Variants in RALA observed in about 807,000 individuals in gnomAD.
RALA encodes ras-related protein Ral-A.
RALA carries 5 observed loss-of-function variants against 24.0 expected under a neutral mutation model. The observed-to-expected ratio is 0.21, with a 90% CI of 0.11 to 0.44. The LOEUF (loss-of-function observed/expected upper bound fraction) is 0.44, where lower values mean the gene tolerates loss of function less well. Ranked by LOEUF, RALA falls within the 20% of genes least tolerant of loss-of-function variation. The probability of loss-of-function intolerance (pLI) is 0.99; values close to 1 mark genes in which losing one functional copy is unlikely to be tolerated. For synonymous variants in RALA, 77 were observed against 83.8 expected, an observed-to-expected ratio of 0.92 and a Z score of 0.44; for missense variants, 95 against 241.2, an observed-to-expected ratio of 0.39 and a Z score of 4.01.
intron 1 of RALA, among the ~76,000 whole-genome samples, chr7:39,663,791 C>T (rs1336012551): frequency 1.3e-5 from 2 of 152,078 alleles, no homozygotes; most frequent in Non-Finnish European, 2.9e-5. Flanking sequence ...TCCAATCTGT[C>T]CCTGGGTCTA....
chr7:39,649,739 C>G (rs549864913), intron 1 of RALA, among the ~76,000 whole-genome samples: 1 of 152,078 alleles, frequency 6.6e-6, no homozygotes, highest in African/African-American at 2.4e-5. Context: ...TAAGTGAACT[C>G]ATGAAAGGAA....
intron 1 of RALA, among the ~76,000 whole-genome samples, chr7:39,626,297 G>A (rs576242775): frequency 1.9e-4 from 29 of 152,352 alleles, no homozygotes; most frequent in African/African-American, 6.3e-4. Flanking sequence ...AAGACAGGTA[G>A]TTTTCCCATA....
chr7:39,692,561 A>G (rs1452628598), intron 3 of RALA, among the ~76,000 whole-genome samples: 3 of 152,168 alleles, frequency 2.0e-5, no homozygotes, highest in Admixed American at 2.0e-4. Flanking sequence ...ATACCGTAGA[A>G]TTACTTTTCT....
At chr7:39,633,117 C>G (rs985972820) in intron 1 of RALA, among the ~76,000 whole-genome samples, 3 of 152,298 alleles carry the variant, frequency 2.0e-5, no homozygotes, top group African/African-American at 7.2e-5. Context: ...CTAGGCTTCA[C>G]AGTCTTAAGT....
chr7:39,626,803 C>CTTTCA (rs1554294571), intron 1 of RALA, among the ~76,000 whole-genome samples: 1 of 152,056 alleles, frequency 6.6e-6, no homozygotes, highest in African/African-American at 2.4e-5. Flanking sequence ...TTAGTTCGTT[C>CTTTCA]TTTCACTAAT....
intron 1 of RALA, among the ~76,000 whole-genome samples, chr7:39,643,815 G>A (rs1009830969): frequency 2.6e-5 from 4 of 152,090 alleles, no homozygotes; most frequent in African/African-American, 4.8e-5. Flanking sequence ...CAAGATCCAC[G>A]CCACCTGCAC....
At chr7:39,674,042 T>TAAAAAAATAAAA (rs367907893) in intron 1 of RALA, among the ~76,000 whole-genome samples, 1 of 90,700 alleles carries the variant, frequency 1.1e-5, no homozygotes, top group Non-Finnish European at 2.1e-5. Context: ...GCATGCACTG[T>TAAAAAAATAAAA]AAATAAATAA....
rs150117529 is a variant in RALA at position 39,658,163 on chromosome 7, T to C, written c.-37-28468T>C. 2.6e-5 allele frequency among the ~76,000 whole-genome samples: 4 copies of C among 152,312 alleles called. No homozygotes were observed. The East Asian group carries it at 7.7e-4, about 29-fold the overall frequency. On this transcript the variant is annotated intron_variant, in intron 1 of 4. Coordinates refer to ENST00000005257, the MANE Select transcript of RALA (RefSeq NM_005402.4). ...CTTAAATTAATGTTCTCTGGTGTCT[T>C]CTATTACCATCTCACTCCATCATTA...
intron 1 of RALA, among the ~76,000 whole-genome samples, chr7:39,669,555 T>C (rs980942174): frequency 6.6e-6 from 1 of 152,114 alleles, no homozygotes; most frequent in Non-Finnish European, 1.5e-5. Flanking sequence ...CTTATGCCTA[T>C]AATATCAGCA....
intron 1 of RALA, among the ~76,000 whole-genome samples, chr7:39,636,438 G>C (rs1273908877): frequency 1.3e-5 from 2 of 152,006 alleles, no homozygotes; most frequent in Admixed American, 6.6e-5. Context: ...TCATCTGCTG[G>C]GATACTTTGA....
At chr7:39,675,615 A>AGCCAC (rs1402570501) in intron 1 of RALA, among the ~76,000 whole-genome samples, 1 of 151,872 alleles carries the variant, frequency 6.6e-6, no homozygotes, top group Non-Finnish European at 1.5e-5. Flanking sequence ...AGTCCTAGTT[A>AGCCAC]CTCAGGTGGC....
intron 4 of RALA, among the ~76,000 whole-genome samples, chr7:39,702,366 A>G (rs1793044524): frequency 1.3e-5 from 2 of 152,168 alleles, no homozygotes; most frequent in South Asian, 2.1e-4. Context: ...GGATTTGTGT[A>G]TATATATACA....
chr7:39,681,131 T>G (rs1792589995), intron 1 of RALA, among the ~76,000 whole-genome samples: 1 of 152,030 alleles, frequency 6.6e-6, no homozygotes, highest in Non-Finnish European at 1.5e-5. Flanking sequence ...TTATGCCTCT[T>G]TTGGATGATT....
intron 4 of RALA, chr7:39,697,646 C>G (rs987040102): frequency 6.9e-6 from 2 of 289,736 alleles, no homozygotes; most frequent in Non-Finnish European, 1.4e-5. Context: ...ATTCTTGGGT[C>G]TTACCCCTAG....
intron 1 of RALA, among the ~76,000 whole-genome samples, chr7:39,663,831 A>G (rs913660612): frequency 1.3e-5 from 2 of 152,186 alleles, no homozygotes; most frequent in African/African-American, 2.4e-5. Flanking sequence ...GTAGACTCCA[A>G]TGTGATTCCA....
chr7:39,699,121 ATTTTTTTTTTTT>A lies in RALA; in HGVS notation c.498+2281_498+2292del, dbSNP rs71560137. Among the ~76,000 whole-genome samples, 457 of 61,352 alleles carry A rather than the reference ATTTTTTTTTTTT, an allele frequency of 7.4e-3. 1 individual carries two copies. The highest frequency in any genetic ancestry group is 0.023 in the African/African-American group (423 of 18,684). The allele number at this position is 61,352 out of a possible 152,430, so 40.2% of individuals were successfully genotyped here. On this transcript the variant is annotated intron_variant, in intron 4 of 4. Transcript: ENST00000005257. ...CAGCAATTTAAGTGCTAAAAATGTT[ATTTTTTTTTTTT>A]TTTTTTTTTTTTTTTTTTGAGACGG... is the stretch of plus-strand genomic sequence containing the variant.
intron 1 of RALA, among the ~76,000 whole-genome samples, chr7:39,654,047 T>C (rs1792059066): frequency 6.6e-6 from 1 of 152,174 alleles, no homozygotes; most frequent in Admixed American, 6.5e-5. Context: ...ACAAGCCCAT[T>C]GAAGGCTGGA....
At chr7:39,699,431 C>T (rs1478862545) in intron 4 of RALA, among the ~76,000 whole-genome samples, 3 of 152,118 alleles carry the variant, frequency 2.0e-5, no homozygotes, top group East Asian at 1.9e-4. Flanking sequence ...TGAGCCACCA[C>T]GCCCGGCCTA....
At chr7:39,629,196 A>G (rs1267294110) in intron 1 of RALA, among the ~76,000 whole-genome samples, 1 of 152,196 alleles carries the variant, frequency 6.6e-6, no homozygotes, top group Non-Finnish European at 1.5e-5. Flanking sequence ...TTGCATTCCT[A>G]CCAGCAGTGT....
Sources: gnomAD v4.1 joint callset for allele counts (sites outside exome capture counted in the v4.1 genomes callset) on GRCh38, gnomAD v4.1.1 for gene constraint, MANE v1.5 for transcripts, NCBI Gene and HGNC (gene_info 2026-07-23, HGNC 2026-07-21) for gene names.